The following S100Z variants were observed in gnomAD, a reference collection of about 807,000 sequenced individuals.
S100Z encodes S100 calcium binding protein Z.
A neutral mutation model predicts 8.5 loss-of-function variants in S100Z; 11 were observed. That is an observed-to-expected ratio of 1.30 (90% CI 0.82 to 2.15). The LOEUF is 2.15. Ranked by LOEUF, S100Z falls within the 30% of genes most tolerant of loss-of-function variation. The probability of loss-of-function intolerance (pLI) is 0.00; values close to 1 mark genes in which losing one functional copy is unlikely to be tolerated. For missense variants in S100Z, 126 were observed against 117.9 expected, an observed-to-expected ratio of 1.07 and a Z score of -0.32; for synonymous variants, 34 against 43.8, an observed-to-expected ratio of 0.78 and a Z score of 0.89.
intron 4 of S100Z, among the ~76,000 whole-genome samples, chr5:76,918,153 A>G (rs1282420726): frequency 6.6e-6 from 1 of 152,146 alleles, no homozygotes; most frequent in Non-Finnish European, 1.5e-5. Flanking sequence ...TTGTTTTTCC[A>G]CACATTTACT....
At chr5:76,876,586 G>A (rs1743201120) in intron 3 of S100Z, among the ~76,000 whole-genome samples, 1 of 152,032 alleles carries the variant, frequency 6.6e-6, no homozygotes, top group South Asian at 2.1e-4. Context: ...GGCCAGGCTG[G>A]TCTCGAACTC....
intron 1 of S100Z, among the ~76,000 whole-genome samples, chr5:76,865,646 T>C (rs1374473528): frequency 2.0e-5 from 3 of 151,944 alleles, no homozygotes; most frequent in African/African-American, 7.2e-5. Context: ...ATTGTACAGC[T>C]GTACAGTGTG....
intron 4 of S100Z, among the ~76,000 whole-genome samples, chr5:76,916,955 A>G (rs1211486260): frequency 1.3e-5 from 2 of 151,806 alleles, no homozygotes; most frequent in East Asian, 1.9e-4. Flanking sequence ...GTTAAACCCC[A>G]TCTCTACTAA....
At chr5:76,908,023 C>T (rs1320887832) in intron 4 of S100Z, among the ~76,000 whole-genome samples, 2 of 151,958 alleles carry the variant, frequency 1.3e-5, no homozygotes, top group Admixed American at 6.5e-5. Flanking sequence ...CCCAGCTACT[C>T]GGGAGGCTGA....
At chr5:76,875,283 C>T in intron 2 of S100Z, 21 bp from the exon 3 acceptor site, 2 of 1,279,968 alleles carry the variant, frequency 1.6e-6, no homozygotes, top group Non-Finnish European at 2.1e-6. Flanking sequence ...GGTGTTTCCT[C>T]ATCTGTTTAT....
At chr5:76,897,036 C>A (rs190877178) in intron 4 of S100Z, among the ~76,000 whole-genome samples, 1 of 152,096 alleles carries the variant, frequency 6.6e-6, no homozygotes, top group South Asian at 2.1e-4. Context: ...TATGCCAATG[C>A]CATGCTGTTT....
In S100Z at chr5:76,852,525, C is replaced by G. The variant is rs555667921; in HGVS notation, c.-176+2370C>G. Among the ~76,000 whole-genome samples the G allele has an allele frequency of 2.0e-5, 3 of 152,160 alleles. No individual in the cohort carries two copies. The East Asian group carries it at 5.8e-4, about 29-fold the overall frequency. ...CAAAGTTTGAGAATAGCCTGGCCAA[C>G]ATGGTGAAAACCCATCTCTACTAAA... is the stretch of plus-strand genomic sequence containing the variant. On this transcript the variant is annotated intron_variant, in intron 1 of 4. Coordinates refer to ENST00000317593, the MANE Select transcript of S100Z (RefSeq NM_130772.4).
intron 4 of S100Z, among the ~76,000 whole-genome samples, chr5:76,913,743 G>A (rs542720020): frequency 1.3e-3 from 204 of 152,310 alleles, no homozygotes; most frequent in African/African-American, 3.8e-3. Flanking sequence ...CCGCAGAGGC[G>A]TAGACCTCCT....
At chr5:76,944,850 A>G in the S100Z span, among the ~76,000 whole-genome samples, 1 of 152,228 alleles carries the variant, frequency 6.6e-6, no homozygotes, top group Non-Finnish European at 1.5e-5. Context: ...TGGACCTGGC[A>G]GTATTTTTCC....
the S100Z span, among the ~76,000 whole-genome samples, chr5:76,944,835 G>C: frequency 6.6e-6 from 1 of 152,148 alleles, no homozygotes; most frequent in African/African-American, 2.4e-5. Context: ...ACACACCAAC[G>C]GTTCTGGACC....
chr5:76,909,620 C>T (rs1237046088), intron 4 of S100Z, among the ~76,000 whole-genome samples: 3 of 152,130 alleles, frequency 2.0e-5, no homozygotes, highest in Non-Finnish European at 4.4e-5. Flanking sequence ...TCTCCCCCGC[C>T]CAGAAGGAAA....
chr5:76,877,652 G>T (rs1743244588), intron 3 of S100Z, 22 bp from the exon 4 acceptor site: 1 of 1,539,420 alleles, frequency 6.5e-7, no homozygotes, highest in South Asian at 1.1e-5. Flanking sequence ...CAGGGAGTTA[G>T]AAATTTCCTT....
the S100Z span, among the ~76,000 whole-genome samples, chr5:76,945,963 C>T: frequency 6.6e-6 from 1 of 152,160 alleles, no homozygotes; most frequent in African/African-American, 2.4e-5. Flanking sequence ...AATTGAGGTA[C>T]TCCAAAGGCC....
chr5:76,920,418 A>C (rs1478741491), intron 4 of S100Z, among the ~76,000 whole-genome samples: 3 of 152,212 alleles, frequency 2.0e-5, no homozygotes, highest in African/African-American at 7.2e-5. Context: ...AGCTGAATCC[A>C]CTGCTAAGAC....
intron 1 of S100Z, among the ~76,000 whole-genome samples, chr5:76,851,177 G>A (rs1335895765): frequency 6.6e-6 from 1 of 152,240 alleles, no homozygotes; most frequent in Non-Finnish European, 1.5e-5. Flanking sequence ...CTTCCCTGGA[G>A]GACTGGCACC....
At chr5:76,929,390 C>T in the S100Z span, among the ~76,000 whole-genome samples, 5 of 152,114 alleles carry the variant, frequency 3.3e-5, no homozygotes, top group Non-Finnish European at 7.4e-5. Context: ...AACAATTTGT[C>T]TCTCAGATAT....
At chr5:76,888,201 G>A (rs1743716807) in intron 4 of S100Z, among the ~76,000 whole-genome samples, 2 of 150,284 alleles carry the variant, frequency 1.3e-5, no homozygotes, top group African/African-American at 4.9e-5. Context: ...AGGTTGCAGT[G>A]AGCCAAGATT....
intron 4 of S100Z, among the ~76,000 whole-genome samples, chr5:76,908,440 T>G (rs1287719431): frequency 6.6e-6 from 1 of 152,206 alleles, no homozygotes; most frequent in Non-Finnish European, 1.5e-5. Context: ...CTGAGGCTAG[T>G]CACGCTTCTA....
At chr5:76,861,618 C>A (rs1048665318) in intron 1 of S100Z, among the ~76,000 whole-genome samples, 1 of 152,112 alleles carries the variant, frequency 6.6e-6, no homozygotes, top group African/African-American at 2.4e-5. Context: ...GGATTACAGG[C>A]GTGAGCCACT....
Sources: gnomAD v4.1 joint callset for allele counts (sites outside exome capture counted in the v4.1 genomes callset) on GRCh38, gnomAD v4.1.1 for gene constraint, MANE v1.5 for transcripts, NCBI Gene and HGNC (gene_info 2026-07-23, HGNC 2026-07-21) for gene names.